The following TMCC3 variants were observed in gnomAD, a reference collection of about 807,000 sequenced individuals.
TMCC3 encodes transmembrane and coiled-coil domain family 3.
In TMCC3, 28 loss-of-function variants were observed where a neutral mutation model predicts 40.2. The ratio of observed to expected loss-of-function variants is 0.70; its 90% CI spans 0.52 to 0.95. TMCC3 has a LOEUF of 0.95. TMCC3 is among the 40% of genes least tolerant of loss of function. The pLI is 0.00. For missense variants in TMCC3, 554 were observed against 615.2 expected (o/e 0.90, Z 1.05); for synonymous variants, 255 against 248.5 (o/e 1.03, Z -0.25).
rs866505120 is a variant in TMCC3, at chr12:94,570,000, G to A, written c.*1435C>T. ...GGAAAGTATCATCTGGGCTGAAGGC[G>A]GTGAATGGTATCCCCCAAACAGGGA... On this transcript the variant is annotated 3_prime_UTR_variant, in exon 4 of 4. Coordinates refer to ENST00000261226, the MANE Select transcript of TMCC3 (RefSeq NM_020698.4). 2 of 152,192 alleles carry A rather than the reference G, an allele frequency of 1.3e-5. No individual in the cohort carries two copies. Among genetic ancestry groups the A allele is most frequent in the African/African-American group, 2.4e-5 (1 of 41,436 alleles). The allele number at this position is 152,192 out of a possible 1,614,324, so 9.4% of individuals were successfully genotyped here.
At position 94,567,384 on chromosome 12, in the gene TMCC3, G is replaced by A. The variant is rs573869139; in HGVS notation, c.*4051C>T. ...TGCCTAAACATATCTTAAACACAGA[G>A]CACGTTTTGTTGAAATATTTCTCTT... On this transcript the variant is annotated 3_prime_UTR_variant, in exon 4 of 4. Transcript: ENST00000261226. 3 of 152,272 alleles carry A rather than the reference G, an allele frequency of 2.0e-5. No homozygotes were observed. The highest frequency in any genetic ancestry group is 6.5e-5 in the Admixed American group (1 of 15,300). 9.4% of individuals were successfully genotyped at this position (152,272 alleles called of 1,614,324 possible). A position where few individuals can be genotyped will look rare whatever the true frequency, so the allele number is the denominator to read the frequency against.
At chr12:94,638,072 G>A (rs1173846561) in intron 1 of TMCC3, among the ~76,000 whole-genome samples, 2 of 152,220 alleles carry the variant, frequency 1.3e-5, no homozygotes, top group Non-Finnish European at 2.9e-5. Context: ...GGTCAGATGA[G>A]AGACTCTGGG....
chr12:94,593,495 T>C (rs12582164), intron 1 of TMCC3, among the ~76,000 whole-genome samples: 78,307 of 132,792 alleles, frequency 0.59, 25,475 homozygotes, highest in Admixed American at 0.61. Context: ...TCCTGAGAGC[T>C]GGTAAAGTAA....
At chr12:94,593,850 A>G (rs538800983) in intron 1 of TMCC3, among the ~76,000 whole-genome samples, 1 of 152,348 alleles carries the variant, frequency 6.6e-6, no homozygotes, top group South Asian at 2.1e-4. Context: ...CTGACCTGGT[A>G]AAGATTTGTA....
At chr12:94,632,863 T>A (rs767304974) in intron 1 of TMCC3, among the ~76,000 whole-genome samples, 67 of 152,296 alleles carry the variant, frequency 4.4e-4, no homozygotes, top group Non-Finnish European at 7.4e-5. Context: ...TTCCAACACT[T>A]TGGGAAGCCG....
intron 1 of TMCC3, among the ~76,000 whole-genome samples, chr12:94,620,444 T>C (rs1303950653): frequency 2.6e-5 from 4 of 151,738 alleles, no homozygotes; most frequent in South Asian, 2.1e-4. Context: ...CCCACCACCA[T>C]GCCCAGCTAA....
chr12:94,591,998 T>C (rs1054234305), intron 1 of TMCC3, among the ~76,000 whole-genome samples: 6 of 152,158 alleles, frequency 3.9e-5, no homozygotes, highest in Non-Finnish European at 8.8e-5. Flanking sequence ...ATTACTACCT[T>C]CATGGGACAC....
chr12:94,612,246 C>T (rs2068820676), intron 1 of TMCC3, among the ~76,000 whole-genome samples: 2 of 152,000 alleles, frequency 1.3e-5, no homozygotes, highest in African/African-American at 4.8e-5. Context: ...AGCAATCCGC[C>T]TGCCTTGGCC....
At chr12:94,619,476 T>C (rs1476158099) in intron 1 of TMCC3, among the ~76,000 whole-genome samples, 1 of 152,236 alleles carries the variant, frequency 6.6e-6, no homozygotes, top group Non-Finnish European at 1.5e-5. Flanking sequence ...GCTCATGTCA[T>C]TCCTCCAGGC....
intron 1 of TMCC3, among the ~76,000 whole-genome samples, chr12:94,611,425 T>C (rs549593088): frequency 4.9e-4 from 75 of 152,308 alleles, no homozygotes; most frequent in Admixed American, 2.2e-3. Context: ...ATATTTCTAC[T>C]GAGAACTGGG....
intron 1 of TMCC3, among the ~76,000 whole-genome samples, chr12:94,615,089 C>T (rs759073847): frequency 6.6e-6 from 1 of 152,160 alleles, no homozygotes; most frequent in Non-Finnish European, 1.5e-5. Context: ...TGCTACAGAA[C>T]TGATTAGGAC....
At chr12:94,622,283 C>A (rs2068879802) in intron 1 of TMCC3, among the ~76,000 whole-genome samples, 1 of 152,170 alleles carries the variant, frequency 6.6e-6, no homozygotes, top group South Asian at 2.1e-4. Flanking sequence ...AGCTTTAATT[C>A]AGGGAGAGTT....
At chr12:94,624,718 A>T (rs939914928) in intron 1 of TMCC3, among the ~76,000 whole-genome samples, 9 of 110,714 alleles carry the variant, frequency 8.1e-5, no homozygotes, top group East Asian at 4.0e-4. Flanking sequence ...TCTCAAAATT[A>T]AAAAAAAATA....
intron 1 of TMCC3, among the ~76,000 whole-genome samples, chr12:94,603,603 G>A (rs1042265214): frequency 6.6e-6 from 1 of 152,178 alleles, no homozygotes; most frequent in Non-Finnish European, 1.5e-5. Context: ...GAGAAGAGTG[G>A]TTACCCTTTG....
At chr12:94,601,808 CAAAAAA>C (rs61372290) in intron 1 of TMCC3, among the ~76,000 whole-genome samples, 33 of 76,704 alleles carry the variant, frequency 4.3e-4, no homozygotes, top group African/African-American at 7.3e-4. Context: ...GACCTGGTCT[CAAAAAA>C]AAAAAAAAAA....
intron 1 of TMCC3, among the ~76,000 whole-genome samples, chr12:94,627,238 A>C (rs1477577761): frequency 6.6e-6 from 1 of 152,132 alleles, no homozygotes; most frequent in Non-Finnish European, 1.5e-5. Context: ...CAGGATTTTA[A>C]AACCAGGCCT....
In TMCC3 at chr12:94,578,438, C is replaced by G. The variant is rs749851835; in HGVS notation, c.1087G>C (p.Glu363Gln). Residue 363 changes from glutamate to glutamine, a missense_variant, in exon 3 of 4, where the codon GAG becomes CAG. Coordinates refer to ENST00000261226, the MANE Select transcript of TMCC3 (RefSeq NM_020698.4). ...TCGTAGGCCTGGTAGGCCACCTTCT[C>G]CTCAATGCTGGCCAGCTCCTGCTTC... Reference protein sequence around the residue: ...NLKQELASIEEKVAYQAYERS... With the variant: ...NLKQELASIEQKVAYQAYERS... The G allele has an allele frequency of 6.2e-7, 1 of 1,614,156 alleles. No individual in the cohort carries two copies. Among genetic ancestry groups the G allele is most frequent in the Non-Finnish European group, 8.5e-7 (1 of 1,180,018 alleles).
chr12:94,639,512 G>A lies in TMCC3; in HGVS notation c.78+10841C>T, dbSNP rs758022181. On this transcript the variant is annotated intron_variant, in intron 1 of 3. Coordinates refer to ENST00000261226, the MANE Select transcript of TMCC3 (RefSeq NM_020698.4). ...GCAGAATTGCTTGAACCTGGGAGGCGGAGGCTGCAGTGAGCCAAGACTGCA... is the reference window on the plus strand; with the variant it reads ...GCAGAATTGCTTGAACCTGGGAGGCAGAGGCTGCAGTGAGCCAAGACTGCA... Among the ~76,000 whole-genome samples the A allele has an allele frequency of 1.4e-3, 213 of 151,944 alleles. 2 individuals are homozygous for A. The highest frequency in any genetic ancestry group is 7.0e-4 in the African/African-American group (29 of 41,350).
At chr12:94,578,662 A>C in intron 2 of TMCC3, 133 bp from the exon 3 acceptor site, 1 of 983,958 alleles carries the variant, frequency 1.0e-6, no homozygotes, top group East Asian at 2.6e-5. Context: ...CTAAAAGAGT[A>C]AGGCTAGCTG....
Sources: gnomAD v4.1 joint callset for allele counts (sites outside exome capture counted in the v4.1 genomes callset) on GRCh38, gnomAD v4.1.1 for gene constraint, MANE v1.5 for transcripts, NCBI Gene and HGNC (gene_info 2026-07-23, HGNC 2026-07-21) for gene names.